Variants in NHS observed in about 807,000 individuals in gnomAD.
NHS encodes the protein NHS actin remodeling regulator.
Under a neutral mutation model 72.5 loss-of-function variants are expected in NHS, and 5 were observed. The observed-to-expected ratio is 0.07, with a 90% CI of 0.04 to 0.14. The LOEUF (loss-of-function observed/expected upper bound fraction) is 0.14. NHS is among the 10% of genes least tolerant of loss of function. The pLI, the probability that NHS is intolerant of heterozygous loss-of-function variation, is 1.00. For missense variants in NHS, 1,072 were observed against 1,355.7 expected (o/e 0.79, Z 3.29); for synonymous variants, 464 against 547.7 (o/e 0.85, Z 2.13).
chrX:17,729,238 A>G (rs1266838438), intron 8 of NHS, among the ~76,000 whole-genome samples: 1 of 112,079 alleles, frequency 8.9e-6, no homozygotes, highest in Non-Finnish European at 1.9e-5. Flanking sequence ...AATCACCACT[A>G]AAGAACTTAT....
intron 3 of NHS, among the ~76,000 whole-genome samples, chrX:17,712,345 A>C (rs2066338855): frequency 1.2e-5 from 1 of 83,358 alleles, no homozygotes; most frequent in African/African-American, 4.7e-5. Context: ...TTGTTTTCAA[A>C]TGTAACACAT....
intron 2 of NHS, among the ~76,000 whole-genome samples, chrX:17,688,741 T>C (rs771181455): frequency 2.0e-4 from 22 of 112,227 alleles, no homozygotes; most frequent in Admixed American, 1.7e-3. Context: ...TAGGTACTGA[T>C]GTTTACATGT....
At chrX:17,498,329 C>T (rs749558571) in intron 1 of NHS, among the ~76,000 whole-genome samples, 6 of 111,317 alleles carry the variant, frequency 5.4e-5, no homozygotes, top group Non-Finnish European at 7.5e-5. Flanking sequence ...AGGGATGTGT[C>T]GAGAGATATC....
chrX:17,539,487 G>C (rs892150124), intron 1 of NHS, among the ~76,000 whole-genome samples: 3 of 110,567 alleles, frequency 2.7e-5, no homozygotes, highest in Non-Finnish European at 5.7e-5. Flanking sequence ...GCCTAGAATT[G>C]TGCCTGGCAC....
At chrX:17,509,760 TG>T (rs2065077823) in intron 1 of NHS, among the ~76,000 whole-genome samples, 1 of 111,835 alleles carries the variant, frequency 8.9e-6, no homozygotes, top group Non-Finnish European at 1.9e-5. Context: ...ATGGCCTTGT[TG>T]CCTCTCCACT....
chrX:17,436,110 C>T (rs1265896055), intron 1 of NHS, among the ~76,000 whole-genome samples: 1 of 111,979 alleles, frequency 8.9e-6, no homozygotes, highest in Non-Finnish European at 1.9e-5. Context: ...ATTCAAACTA[C>T]AGAGTTGGAA....
At chrX:17,437,364 A>G (rs1019042731) in intron 1 of NHS, among the ~76,000 whole-genome samples, 2 of 111,728 alleles carry the variant, frequency 1.8e-5, no homozygotes, top group Non-Finnish European at 3.8e-5. Flanking sequence ...GACGCCTCAC[A>G]CTAGGAGGTT....
At chrX:17,458,372 G>A (rs1456943480) in intron 1 of NHS, among the ~76,000 whole-genome samples, 1 of 111,386 alleles carries the variant, frequency 9.0e-6, no homozygotes, top group African/African-American at 3.3e-5. Context: ...GAGACCACAG[G>A]CGCACACTAC....
chrX:17,559,063 C>T (rs969005725), intron 1 of NHS, among the ~76,000 whole-genome samples: 1 of 112,244 alleles, frequency 8.9e-6, no homozygotes, highest in Middle Eastern at 4.6e-3. Flanking sequence ...TAAGCAGTTT[C>T]TCATGTCCAG....
At chrX:17,533,583 C>A (rs1360251125) in intron 1 of NHS, among the ~76,000 whole-genome samples, 2 of 112,133 alleles carry the variant, frequency 1.8e-5, no homozygotes, top group Non-Finnish European at 3.8e-5. Context: ...CTGGCCCTGG[C>A]CTTGTTGACT....
intron 1 of NHS, among the ~76,000 whole-genome samples, chrX:17,582,210 G>A (rs2065547549): frequency 8.9e-6 from 1 of 111,998 alleles, no homozygotes; most frequent in African/African-American, 3.2e-5. Flanking sequence ...GAAATGGGGC[G>A]AAGAAATAAA....
chrX:17,572,211 T>A (rs1219093181), intron 1 of NHS, among the ~76,000 whole-genome samples: 1 of 111,360 alleles, frequency 9.0e-6, no homozygotes, highest in Non-Finnish European at 1.9e-5. Flanking sequence ...GTTCAAGTCC[T>A]GGATATCCTT....
intron 1 of NHS, chrX:17,635,202 C>A: frequency 1.5e-6 from 1 of 684,325 alleles, no homozygotes; most frequent in Non-Finnish European, 1.9e-6. Context: ...GTAAAGAAGT[C>A]CCACTGCAAC....
chrX:17,457,794 A>G (rs1178261215), intron 1 of NHS, among the ~76,000 whole-genome samples: 1 of 111,532 alleles, frequency 9.0e-6, no homozygotes, highest in Non-Finnish European at 1.9e-5. Context: ...TTATGAGGGT[A>G]GAAACCATGT....
At chrX:17,390,917 G>A (rs2064441941) in intron 1 of NHS, among the ~76,000 whole-genome samples, 1 of 112,121 alleles carries the variant, frequency 8.9e-6, no homozygotes, top group African/African-American at 3.2e-5. Context: ...ATAAATTTCA[G>A]TCAAGACAAT....
chrX:17,537,971 AG>A (rs2065237130), intron 1 of NHS, among the ~76,000 whole-genome samples: 1 of 112,054 alleles, frequency 8.9e-6, no homozygotes, highest in Non-Finnish European at 1.9e-5. Flanking sequence ...GGAGAATTGC[AG>A]AGCCAGCCAC....
At chrX:17,413,332 C>A (rs2064572328) in intron 1 of NHS, among the ~76,000 whole-genome samples, 1 of 112,336 alleles carries the variant, frequency 8.9e-6, no homozygotes, top group Non-Finnish European at 1.9e-5. Flanking sequence ...CATTTCTCCT[C>A]TCAAGTTCAT....
chrX:17,388,076 G>A (rs376559057), intron 1 of NHS, among the ~76,000 whole-genome samples: 4 of 112,285 alleles, frequency 3.6e-5, no homozygotes, highest in South Asian at 7.5e-4. Context: ...GTCTATTAAG[G>A]TTCTTTTGTT....
intron 3 of NHS, among the ~76,000 whole-genome samples, chrX:17,705,888 T>C (rs958617852): frequency 8.9e-6 from 1 of 112,160 alleles, no homozygotes; most frequent in Non-Finnish European, 1.9e-5. Context: ...TGACCAGTAC[T>C]CTTTGAAAAT....
Sources: gnomAD v4.1 joint callset for allele counts (sites outside exome capture counted in the v4.1 genomes callset) on GRCh38, gnomAD v4.1.1 for gene constraint, MANE v1.5 for transcripts, NCBI Gene and HGNC (gene_info 2026-07-23, HGNC 2026-07-21) for gene names.